ZNF114: variants seen among roughly 807,000 people sequenced by gnomAD.
ZNF114 encodes the protein zinc finger protein 114.
A neutral mutation model predicts 6.8 loss-of-function variants in ZNF114; 8 were observed. That is an observed-to-expected ratio of 1.18 (90% CI 0.69 to 2.13). ZNF114 has a LOEUF of 2.13. ZNF114 is among the 30% of genes most tolerant of loss of function. ZNF114 has a pLI of 0.00. For missense variants in ZNF114, 472 were observed against 519.5 expected (o/e 0.91, Z 0.89); for synonymous variants, 169 against 185.5 (o/e 0.91, Z 0.72).
intron 3 of ZNF114, among the ~76,000 whole-genome samples, chr19:48,275,359 G>A (rs979379852): frequency 4.3e-4 from 64 of 150,348 alleles, no homozygotes; most frequent in Non-Finnish European, 8.7e-4. Context: ...CAGGATGATC[G>A]CCTGAGGTCA....
chr19:48,279,570 TGTGG>T (rs1358193633), intron 3 of ZNF114, among the ~76,000 whole-genome samples, 157 bp from the exon 4 acceptor site: 2 of 17,238 alleles, frequency 1.2e-4, no homozygotes, highest in African/African-American at 2.6e-4. Flanking sequence ...TGTGTGGGTG[TGTGG>T]GTGGGTGGGT....
Position 48,285,930 on chromosome 19 carries a change from G to T in ZNF114, c.306G>T (p.Gly102=). 3 of 1,614,062 alleles carry T rather than the reference G, an allele frequency of 1.9e-6. No homozygotes were observed. The highest frequency in any genetic ancestry group is 1.7e-6 in the Non-Finnish European group (2 of 1,180,002). The change falls in exon 6 of 6, where the codon GGG becomes GGT. Residue 102 remains glycine (G), a synonymous_variant. Coordinates refer to ENST00000595607, the MANE Select transcript of ZNF114 (RefSeq NM_153608.4). The part of the protein sequence containing the change: ...CPKTEEPHRQ[G]VNNVKPPAVA... Reference sequence around the variant, plus strand: ...AAACAGAGGAACCACACAGGCAGGGGGTGAATAATGTGAAGCCACCTGCAG... The same window carrying T: ...AAACAGAGGAACCACACAGGCAGGGTGTGAATAATGTGAAGCCACCTGCAG...
At chr19:48,282,584 GAA>G (rs1265280552) in intron 5 of ZNF114, 87 bp downstream of exon 5, 1 of 1,477,206 alleles carries the variant, frequency 6.8e-7, no homozygotes, top group African/African-American at 1.4e-5. Flanking sequence ...TGGAAAATGG[GAA>G]CTGGGTTAAA....
intron 4 of ZNF114, among the ~76,000 whole-genome samples, chr19:48,281,367 C>T (rs373165863): frequency 1.2e-4 from 18 of 152,218 alleles, no homozygotes; most frequent in African/African-American, 4.3e-4. Flanking sequence ...TTGTTCCATG[C>T]TCTTACCTAG....
Position 48,285,986 on chromosome 19 carries a change from G to C in ZNF114, c.362G>C (p.Ser121Thr). 1 of 1,613,954 alleles carries C rather than the reference G, an allele frequency of 6.2e-7. No individual in the cohort carries two copies. Among genetic ancestry groups the C allele is most frequent in the Admixed American group, 1.7e-5 (1 of 59,998 alleles). The stretch of plus-strand genomic sequence containing the variant: ...CCTGAGAAAGATGAATCTCCTGTTA[G>C]CATTTGTGAAGATCATGAAATGAGG... ...VAPEKDESPVSICEDHEMRNH... is the reference protein window; with the variant it reads ...VAPEKDESPVTICEDHEMRNH... The change falls in exon 6 of 6, where the codon AGC (serine) becomes ACC (threonine). Residue 121 changes from serine (S) to threonine (T), a missense_variant. Physicochemically the swap from Ser to Thr is moderately conservative, Grantham distance 58. Coordinates refer to ENST00000595607, the MANE Select transcript of ZNF114 (RefSeq NM_153608.4).
intron 3 of ZNF114, among the ~76,000 whole-genome samples, chr19:48,273,216 C>G (rs973118046): frequency 6.6e-6 from 1 of 152,118 alleles, no homozygotes; most frequent in Non-Finnish European, 1.5e-5. Flanking sequence ...GTGAAGGTGT[C>G]AGGATCAAAC....
intron 5 of ZNF114, among the ~76,000 whole-genome samples, chr19:48,283,015 C>T (rs547907584): frequency 2.9e-4 from 44 of 151,374 alleles, no homozygotes; most frequent in African/African-American, 1.0e-3. Flanking sequence ...CACACCCAGC[C>T]TTTATTTTTC....
chr19:48,279,786 C>T lies in ZNF114; in HGVS notation c.-14C>T, dbSNP rs1967943602. On this transcript the variant is annotated 5_prime_UTR_variant, in exon 4 of 6. It adds an upstream start codon to the 5' untranslated region. Coordinates refer to ENST00000595607, the MANE Select transcript of ZNF114 (RefSeq NM_153608.4). ...ACGGGGAAGCCAGGACTGGCCGTCA[C>T]GTTGGTGACAAATATGTCCCAGGTA... The T allele has an allele frequency of 1.9e-6, 3 of 1,613,876 alleles. No homozygotes were observed. Among genetic ancestry groups the T allele is most frequent in the South Asian group, 1.1e-5 (1 of 91,086 alleles).
At chr19:48,285,429 C>T (rs1285342705) in intron 5 of ZNF114, among the ~76,000 whole-genome samples, 2 of 151,622 alleles carry the variant, frequency 1.3e-5, no homozygotes, top group Non-Finnish European at 2.9e-5. Flanking sequence ...ACCTGGGAGG[C>T]GGAGGTTGTA....
Position 48,286,500 on chromosome 19 carries a change from T to C in ZNF114, c.876T>C (p.Gly292=), listed in dbSNP as rs532415108. The C allele has an allele frequency of 3.7e-6, 6 of 1,614,176 alleles. No individual in the cohort carries two copies. The highest frequency in any genetic ancestry group is 5.1e-6 in the Non-Finnish European group (6 of 1,180,018). ...CCTCTGCCAACGCTCCAAATTCCGG[T>C]TCACACAAGAGTCATTGCACTGGAG... ...GATSANAPNS[G]SHKSHCTGEK... is the part of the protein sequence containing the mutation. The change falls in exon 6 of 6, where the codon GGT becomes GGC. Residue 292 remains glycine (G), a synonymous_variant. Coordinates refer to ENST00000595607, the MANE Select transcript of ZNF114 (RefSeq NM_153608.4).
At chr19:48,274,816 T>C (rs912140821) in intron 3 of ZNF114, among the ~76,000 whole-genome samples, 1 of 151,766 alleles carries the variant, frequency 6.6e-6, no homozygotes, top group Non-Finnish European at 1.5e-5. Context: ...TAGAGTTATG[T>C]TTCTTTAGGC....
intron 3 of ZNF114, among the ~76,000 whole-genome samples, chr19:48,275,419 A>AACAAACACAC (rs1291408351): frequency 7.5e-6 from 1 of 133,116 alleles, no homozygotes; most frequent in African/African-American, 3.0e-5. Flanking sequence ...TCTCTACTAA[A>AACAAACACAC]ACACACACAC....
At chr19:48,270,977 A>T (rs1967640138) in intron 1 of ZNF114, 1 of 150,880 alleles carries the variant, frequency 6.6e-6, no homozygotes, top group Non-Finnish European at 1.5e-5. Context: ...AATGGCATGA[A>T]CCCGGGAGGC....
chr19:48,279,364 C>T (rs1967927623), intron 3 of ZNF114, among the ~76,000 whole-genome samples: 1 of 146,146 alleles, frequency 6.8e-6, no homozygotes, highest in South Asian at 2.2e-4. Flanking sequence ...CACTACTGCA[C>T]TCCAGCCTGG....
chr19:48,271,520 C>T (rs1228590337), intron 2 of ZNF114, 71 bp downstream of exon 2: 3 of 4,102 alleles, frequency 7.3e-4, no homozygotes, highest in South Asian at 9.6e-3. Flanking sequence ...GATCGGGTCC[C>T]GGGGGCGGGG....
chr19:48,278,587 C>T lies in ZNF114; in HGVS notation c.-69-1144C>T, dbSNP rs369138298. Among the ~76,000 whole-genome samples the T allele has an allele frequency of 4.6e-5, 7 of 152,078 alleles. No individual in the cohort carries two copies. The East Asian group carries it at 5.8e-4, about 13-fold the overall frequency. ...AATATTCCATGGTGCGGATAGACCA[C>T]GTTTGCTTTCTTTGTTCATGCATTG... On this transcript the variant is annotated intron_variant, in intron 3 of 5. Transcript: ENST00000595607.
intron 3 of ZNF114, among the ~76,000 whole-genome samples, chr19:48,274,702 C>G (rs1967778808): frequency 6.6e-6 from 1 of 151,636 alleles, no homozygotes; most frequent in Non-Finnish European, 1.5e-5. Flanking sequence ...GATGGGGTTT[C>G]TCCATGTTGG....
chr19:48,286,975 AC>A lies in ZNF114; in HGVS notation c.*98del. ...GCTCAAGGGGTTAGCATGAGTGAGA[AC>A]ATCTTCCCTGAACTCTCGTATCTTA... On this transcript the variant is annotated 3_prime_UTR_variant, in exon 6 of 6. Coordinates refer to ENST00000595607, the MANE Select transcript of ZNF114 (RefSeq NM_153608.4). 1 of 1,297,546 alleles carries A rather than the reference AC, an allele frequency of 7.7e-7. No homozygotes were observed. Among genetic ancestry groups the A allele is most frequent in the Non-Finnish European group, 1.0e-6 (1 of 963,958 alleles). The allele number at this position is 1,297,546 out of a possible 1,614,324, so 80.4% of individuals were successfully genotyped here.
At chr19:48,282,224 C>G (rs1342107452) in intron 4 of ZNF114, 147 bp from the exon 5 acceptor site, 1 of 1,123,272 alleles carries the variant, frequency 8.9e-7, no homozygotes. Context: ...TCATTGACAT[C>G]TGCAAAGACT....
Sources: gnomAD v4.1 joint callset for allele counts (sites outside exome capture counted in the v4.1 genomes callset) on GRCh38, gnomAD v4.1.1 for gene constraint, MANE v1.5 for transcripts, NCBI Gene and HGNC (gene_info 2026-07-23, HGNC 2026-07-21) for gene names.